RAB9B: variants seen among roughly 807,000 people sequenced by gnomAD.
RAB9B encodes the protein ras-related protein Rab-9B.
RAB9B carries 1 observed loss-of-function variant against 8.9 expected under a neutral mutation model. The observed-to-expected ratio is 0.11, with a 90% CI of 0.04 to 0.53. The LOEUF is 0.53. Among genes scored for constraint, RAB9B ranks in the 20% least tolerant of loss-of-function variants. The pLI is 0.93. For missense variants in RAB9B, 82 were observed against 152.9 expected (o/e 0.54, Z 2.45); for synonymous variants, 63 against 57.0 (o/e 1.10, Z -0.47).
chrX:103,790,537 T>C, the RAB9B span: 1 of 1,207,075 alleles, frequency 8.3e-7, no homozygotes, highest in Non-Finnish European at 1.1e-6. Flanking sequence ...CTCACCTTCA[T>C]GATTGCTGCC....
the RAB9B span, among the ~76,000 whole-genome samples, chrX:103,811,452 T>C: frequency 1.6e-4 from 18 of 112,030 alleles, no homozygotes; most frequent in African/African-American, 5.8e-4. Context: ...AGAAATTAAT[T>C]TGGGCTCTTG....
At chrX:103,817,392 G>C (rs766452232), downstream of RAB9B, among the ~76,000 whole-genome samples, 1 of 110,551 alleles carries the variant, frequency 9.0e-6, no homozygotes, top group Admixed American at 9.7e-5. Flanking sequence ...AGAACACGTG[G>C]ACACAGGGAG....
chrX:103,804,531 G>A, the RAB9B span, among the ~76,000 whole-genome samples: 1 of 111,778 alleles, frequency 8.9e-6, no homozygotes, highest in Non-Finnish European at 1.9e-5. Context: ...CAGCTTGTCA[G>A]TTTTTGCAAA....
chrX:103,820,673 C>T (rs770907453), downstream of RAB9B, among the ~76,000 whole-genome samples: 23 of 110,606 alleles, frequency 2.1e-4, no homozygotes, highest in East Asian at 5.7e-4. Flanking sequence ...TTATGGGCCC[C>T]GGTGCATTGG....
the RAB9B span, among the ~76,000 whole-genome samples, chrX:103,796,847 CAAAAAAAAAA>C: frequency 8.3e-5 from 1 of 12,110 alleles, no homozygotes; most frequent in Non-Finnish European, 1.6e-4. Context: ...ACCGCCTCTA[CAAAAAAAAAA>C]AAAAAAAAAA....
chrX:103,831,347 A>C (rs998442043), intron 1 of RAB9B, among the ~76,000 whole-genome samples: 1 of 107,113 alleles, frequency 9.3e-6, no homozygotes, highest in African/African-American at 3.4e-5. Flanking sequence ...TATCAGCTAC[A>C]TCCATGCCGA....
chrX:103,779,048 A>G, the RAB9B span, among the ~76,000 whole-genome samples: 1 of 112,410 alleles, frequency 8.9e-6, no homozygotes, highest in Admixed American at 9.4e-5. Context: ...AGCAAGGAGG[A>G]ACACTGATTC....
the RAB9B span, chrX:103,789,532 G>C: frequency 1.8e-6 from 1 of 558,790 alleles, no homozygotes; most frequent in Middle Eastern, 3.1e-4. Flanking sequence ...AGATAGCAAA[G>C]GGTGGAGGCT....
At chrX:103,780,642 T>C in the RAB9B span, among the ~76,000 whole-genome samples, 1 of 111,829 alleles carries the variant, frequency 8.9e-6, no homozygotes, top group Non-Finnish European at 1.9e-5. Context: ...ACTTCGGGAC[T>C]GTTTTCCAGC....
chrX:103,819,028 A>G (rs1348875963), downstream of RAB9B, among the ~76,000 whole-genome samples: 1 of 111,445 alleles, frequency 9.0e-6, no homozygotes, highest in Non-Finnish European at 1.9e-5. Flanking sequence ...GTTGAGCAAT[A>G]TATTACAGGA....
intron 1 of RAB9B, among the ~76,000 whole-genome samples, chrX:103,831,165 T>G (rs1367282561): frequency 9.0e-6 from 1 of 110,995 alleles, no homozygotes; most frequent in East Asian, 2.8e-4. Flanking sequence ...AATATTGCAC[T>G]GAAGAATTGG....
the RAB9B span, among the ~76,000 whole-genome samples, chrX:103,795,338 G>A: frequency 1.4e-4 from 16 of 111,442 alleles, no homozygotes; most frequent in Non-Finnish European, 3.0e-4. Context: ...CATTAAATAG[G>A]CTTGGACTGT....
chrX:103,829,309 C>T (rs1398475187), intron 1 of RAB9B, among the ~76,000 whole-genome samples: 1 of 112,192 alleles, frequency 8.9e-6, no homozygotes, highest in Non-Finnish European at 1.9e-5. Flanking sequence ...CTGGTCCAAT[C>T]TTGCTACTGA....
the RAB9B span, chrX:103,786,475 T>C: frequency 1.7e-6 from 2 of 1,207,586 alleles, no homozygotes; most frequent in African/African-American, 3.5e-5. Flanking sequence ...GATCCATGCC[T>C]TCCAGTATGT....
the RAB9B span, chrX:103,791,996 C>G: frequency 9.0e-6 from 1 of 111,438 alleles, no homozygotes; most frequent in African/African-American, 3.3e-5. Flanking sequence ...GATCACATAA[C>G]AGAATGCACC....
At chrX:103,803,750 G>C in the RAB9B span, among the ~76,000 whole-genome samples, 1 of 111,820 alleles carries the variant, frequency 8.9e-6, no homozygotes. Flanking sequence ...GCTAATTTTT[G>C]TATTTTTAGT....
the RAB9B span, among the ~76,000 whole-genome samples, chrX:103,777,945 T>C: frequency 8.9e-6 from 1 of 112,479 alleles, no homozygotes; most frequent in African/African-American, 3.2e-5. Context: ...AAATGTAGCA[T>C]CCAGTAGACA....
the RAB9B span, among the ~76,000 whole-genome samples, chrX:103,794,066 G>A: frequency 8.9e-6 from 1 of 111,805 alleles, no homozygotes; most frequent in Non-Finnish European, 1.9e-5. Flanking sequence ...TTTGGGGGCA[G>A]TGTGGGTAGA....
chrX:103,825,225 G>C lies in RAB9B; in HGVS notation c.560C>G (p.Thr187Ser). 1 of 1,211,023 alleles carries C rather than the reference G, an allele frequency of 8.3e-7. No homozygotes were observed. The highest frequency in any genetic ancestry group is 1.1e-6 in the Non-Finnish European group (1 of 895,219). ...EQLEHCMLGH[T>S]IDLNSGSKAG... ...TTTGGAGCCACTGTTCAAGTCAATG[G>C]TGTGACCCAACATGCAATGCTCCAG... The change falls in exon 3 of 3, where the codon ACC becomes AGC. Residue 187 changes from threonine (T) to serine (S), a missense_variant. Coordinates refer to ENST00000243298, the MANE Select transcript of RAB9B (RefSeq NM_016370.4).
Sources: gnomAD v4.1 joint callset for allele counts (sites outside exome capture counted in the v4.1 genomes callset) on GRCh38, gnomAD v4.1.1 for gene constraint, MANE v1.5 for transcripts, NCBI Gene and HGNC (gene_info 2026-07-23, HGNC 2026-07-21) for gene names.